FNDC3A: variants seen among roughly 807,000 people sequenced by gnomAD.
The protein encoded by FNDC3A is fibronectin type-III domain-containing protein 3A.
In FNDC3A, 32 loss-of-function variants were observed where a neutral mutation model predicts 148.9. The ratio of observed to expected loss-of-function variants is 0.21; its 90% confidence interval spans 0.16 to 0.29. The LOEUF (loss-of-function observed/expected upper bound fraction) is 0.29, where lower values mean the gene tolerates loss of function less well. FNDC3A is among the 10% of genes least tolerant of loss of function. The probability of loss-of-function intolerance (pLI) is 1.00; values close to 1 mark genes in which losing one functional copy is unlikely to be tolerated. For missense variants in FNDC3A, 1,191 were observed against 1,452.8 expected (o/e 0.82, Z 2.93); for synonymous variants, 472 against 473.6 (o/e 1.00, Z 0.04).
chr13:49,209,282 T>C lies in FNDC3A; in HGVS notation c.*1887T>C, dbSNP rs1162950763. 1 of 152,636 alleles carries C rather than the reference T, an allele frequency of 6.6e-6. No homozygotes were observed. Among genetic ancestry groups the C allele is most frequent in the Non-Finnish European group, 1.5e-5 (1 of 68,024 alleles). The allele number at this position is 152,636 out of a possible 1,614,324, so 9.5% of individuals were successfully genotyped here. ...AGTGGCTTATGTTTTTCATAGTAAT[T>C]CAAATGAACTTCCTATTTTTGATAG... On this transcript the variant is annotated 3_prime_UTR_variant, in exon 26 of 26. Transcript: ENST00000492622.
At position 49,191,262 on chromosome 13, in the gene FNDC3A, T is replaced by C; in HGVS notation, c.2104T>C (p.Ser702Pro). 6.2e-7 allele frequency: 1 copy of C among 1,612,984 alleles called. No homozygotes were observed. Among genetic ancestry groups the C allele is most frequent in the Non-Finnish European group, 8.5e-7 (1 of 1,179,676 alleles). The change falls in exon 19 of 26, where the codon TCT (serine) becomes CCT (proline). Residue 702 changes from serine (S) to proline (P), a missense_variant. By Grantham distance (74) the Ser-to-Pro change is moderately conservative. This residue lies in a region of FNDC3A where 751 missense variants were observed against 944.0 expected (regional missense o/e 0.80). Coordinates refer to ENST00000492622, the MANE Select transcript of FNDC3A (RefSeq NM_001079673.2). ...CATTTCCTGTTACAGTGTGGAAATG[T>C]CTCCTATAGAAAAAGATGAACCTAG... ...SPISCYSVEM[S>P]PIEKDEPREV...
At chr13:49,082,476 T>C (rs1217574110) in intron 3 of FNDC3A, among the ~76,000 whole-genome samples, 1 of 152,098 alleles carries the variant, frequency 6.6e-6, no homozygotes, top group Non-Finnish European at 1.5e-5. Context: ...CTGTATAGTG[T>C]GTATTAGTTG....
intron 2 of FNDC3A, among the ~76,000 whole-genome samples, chr13:49,055,326 T>G (rs1251209067): frequency 6.6e-6 from 1 of 151,972 alleles, no homozygotes; most frequent in Non-Finnish European, 1.5e-5. Flanking sequence ...AAACCAAAAA[T>G]AAAATCCTAA....
At chr13:49,115,183 AG>A (rs11353117) in intron 4 of FNDC3A, among the ~76,000 whole-genome samples, 102,384 of 133,256 alleles carry the variant, frequency 0.77, 40,019 homozygotes, top group East Asian at 0.95. Context: ...CTGAGGGATG[AG>A]GGGGGGGGGG....
chr13:49,077,453 T>C (rs1340425721), intron 3 of FNDC3A, among the ~76,000 whole-genome samples: 1 of 152,248 alleles, frequency 6.6e-6, no homozygotes, highest in African/African-American at 2.4e-5. Context: ...CTGTCCAATC[T>C]GTTTAATCAA....
At chr13:49,187,017 A>AT (rs796208797) in intron 15 of FNDC3A, 105 bp from the exon 16 acceptor site, 10,487 of 557,278 alleles carry the variant, frequency 0.019, 3 homozygotes, top group South Asian at 0.023. Flanking sequence ...ATTGCAGGTG[A>AT]TTTTTTTTTT....
At chr13:48,979,223 A>G (rs140588704) in intron 1 of FNDC3A, among the ~76,000 whole-genome samples, 70 of 152,310 alleles carry the variant, frequency 4.6e-4, no homozygotes, top group African/African-American at 1.6e-3. Context: ...GGGGATACAA[A>G]CATAGTGTGA....
intron 8 of FNDC3A, among the ~76,000 whole-genome samples, chr13:49,162,302 G>A (rs1229674208): frequency 5.9e-5 from 9 of 152,038 alleles, no homozygotes; most frequent in South Asian, 2.1e-4. Flanking sequence ...GGCTTCTTTC[G>A]TTTCTTTTTA....
intron 4 of FNDC3A, among the ~76,000 whole-genome samples, chr13:49,119,713 A>G (rs1457504885): frequency 6.6e-6 from 1 of 151,884 alleles, no homozygotes; most frequent in Non-Finnish European, 1.5e-5. Flanking sequence ...CAACAGCCAA[A>G]TCAATCAAGC....
chr13:49,155,226 T>G (rs1883581920), intron 8 of FNDC3A, among the ~76,000 whole-genome samples: 1 of 152,190 alleles, frequency 6.6e-6, no homozygotes, highest in Non-Finnish European at 1.5e-5. Context: ...GGGATTCACC[T>G]TCTTCCTGGT....
chr13:49,160,527 T>C (rs1012067603), intron 8 of FNDC3A, among the ~76,000 whole-genome samples: 4 of 151,958 alleles, frequency 2.6e-5, no homozygotes, highest in Admixed American at 2.0e-4. Context: ...TTATTAGTCT[T>C]GCTAGCGGTC....
At chr13:49,093,948 CAT>C (rs1418474161) in intron 3 of FNDC3A, among the ~76,000 whole-genome samples, 1 of 152,212 alleles carries the variant, frequency 6.6e-6, no homozygotes, top group Admixed American at 6.5e-5. Flanking sequence ...ATTGAGAGAA[CAT>C]GTTTTATTTC....
At chr13:49,154,166 C>T (rs1241319715) in intron 8 of FNDC3A, among the ~76,000 whole-genome samples, 9 of 149,074 alleles carry the variant, frequency 6.0e-5, no homozygotes. Context: ...GAATGTTCTT[C>T]CATTTGTTTG....
intron 6 of FNDC3A, among the ~76,000 whole-genome samples, chr13:49,137,462 A>G (rs1008408778): frequency 6.6e-6 from 1 of 152,120 alleles, no homozygotes; most frequent in African/African-American, 2.4e-5. Flanking sequence ...CTCGTGCCTC[A>G]GCCTCCTGAG....
At chr13:49,104,158 T>C (rs1880019464) in intron 3 of FNDC3A, among the ~76,000 whole-genome samples, 1 of 152,190 alleles carries the variant, frequency 6.6e-6, no homozygotes, top group African/African-American at 2.4e-5. Flanking sequence ...TAAGTAAGAA[T>C]TTCATCTCAG....
intron 19 of FNDC3A, 37 bp from the exon 20 acceptor site, chr13:49,196,840 T>A: frequency 8.7e-7 from 1 of 1,154,380 alleles, no homozygotes; most frequent in South Asian, 1.3e-5. Context: ...CATTTAAGGG[T>A]GAAAAATAAA....
chr13:49,041,559 C>A (rs924633598), intron 2 of FNDC3A, among the ~76,000 whole-genome samples: 1 of 152,130 alleles, frequency 6.6e-6, no homozygotes, highest in Non-Finnish European at 1.5e-5. Context: ...GCCTGTAATC[C>A]CAACACTTTG....
At chr13:49,089,923 A>G (rs1879073988) in intron 3 of FNDC3A, among the ~76,000 whole-genome samples, 1 of 152,172 alleles carries the variant, frequency 6.6e-6, no homozygotes, top group African/African-American at 2.4e-5. Flanking sequence ...TACGGTACAA[A>G]GATAGGCAGT....
chr13:49,038,372 T>C (rs1250086207), intron 2 of FNDC3A, among the ~76,000 whole-genome samples: 1 of 152,138 alleles, frequency 6.6e-6, no homozygotes, highest in African/African-American at 2.4e-5. Context: ...CATATCATTT[T>C]CCCCCTCTAA....
Sources: gnomAD v4.1 joint callset for allele counts (sites outside exome capture counted in the v4.1 genomes callset) on GRCh38, gnomAD v4.1.1 for gene constraint, gnomAD v4.1.1 regional missense constraint, MANE v1.5 for transcripts, NCBI Gene and HGNC (gene_info 2026-07-23, HGNC 2026-07-21) for gene names.